Variants in ZPBP observed in about 807,000 individuals in gnomAD.
ZPBP encodes the protein zona pellucida-binding protein 1.
A neutral mutation model predicts 44.8 loss-of-function variants in ZPBP; 26 were observed. That is an observed-to-expected ratio of 0.58 (90% CI 0.43 to 0.81). ZPBP has a LOEUF of 0.81. Among genes scored for constraint, ZPBP ranks in the 30% least tolerant of loss-of-function variants. The probability of loss-of-function intolerance (pLI) is 0.00; values close to 1 mark genes in which losing one functional copy is unlikely to be tolerated. For missense variants in ZPBP, 409 were observed against 434.0 expected (o/e 0.94, Z 0.51); for synonymous variants, 174 against 153.2 (o/e 1.14, Z -1.00).
intron 2 of ZPBP, among the ~76,000 whole-genome samples, chr7:49,871,367 T>G (rs1403147827): frequency 6.6e-6 from 1 of 152,158 alleles, no homozygotes; most frequent in Non-Finnish European, 1.5e-5. Context: ...TTTTCTTTAT[T>G]ATAACATTGC....
At chr7:49,845,855 G>A (rs1014557728), downstream of ZPBP, among the ~76,000 whole-genome samples, 9 of 152,206 alleles carry the variant, frequency 5.9e-5, no homozygotes, top group Admixed American at 2.0e-4. Flanking sequence ...AAGGAAGAGC[G>A]AGTGAGTTAG....
chr7:49,865,052 A>G (rs1583705601), intron 2 of ZPBP, among the ~76,000 whole-genome samples: 1 of 152,164 alleles, frequency 6.6e-6, no homozygotes, highest in East Asian at 1.9e-4. Context: ...TAAAGATCTT[A>G]TTTTTTGTAA....
intron 1 of ZPBP, among the ~76,000 whole-genome samples, chr7:49,926,855 A>G (rs1450258888): frequency 6.6e-6 from 1 of 152,238 alleles, no homozygotes; most frequent in Non-Finnish European, 1.5e-5. Context: ...AGCTTTGAGA[A>G]GCAACTGGCT....
intron 4 of ZPBP, among the ~76,000 whole-genome samples, chr7:50,057,320 A>G (rs1800996303): frequency 6.6e-6 from 1 of 151,952 alleles, no homozygotes; most frequent in South Asian, 2.1e-4. Context: ...CAGACACACA[A>G]CTCTCCCTCC....
At chr7:49,896,996 C>A (rs944380116) in intron 2 of ZPBP, among the ~76,000 whole-genome samples, 2 of 151,482 alleles carry the variant, frequency 1.3e-5, no homozygotes, top group Non-Finnish European at 2.9e-5. Flanking sequence ...CCCGGGTTCA[C>A]GCCATTCTCC....
chr7:50,044,308 A>T (rs1800239330), intron 4 of ZPBP, among the ~76,000 whole-genome samples: 1 of 152,172 alleles, frequency 6.6e-6, no homozygotes, highest in Admixed American at 6.5e-5. Flanking sequence ...AAGAAATAAA[A>T]CTAAGATCAG....
At chr7:50,052,899 G>A (rs1252126933) in intron 4 of ZPBP, among the ~76,000 whole-genome samples, 1 of 152,168 alleles carries the variant, frequency 6.6e-6, no homozygotes, top group African/African-American at 2.4e-5. Context: ...AATACAGAAT[G>A]AGAGAAGATT....
chr7:49,992,308 C>T (rs1433672556), intron 6 of ZPBP, among the ~76,000 whole-genome samples: 1 of 151,954 alleles, frequency 6.6e-6, no homozygotes, highest in African/African-American at 2.4e-5. Context: ...ATATCAGTTA[C>T]ATAACATACA....
At chr7:49,862,469 C>G (rs1272949363) in intron 2 of ZPBP, among the ~76,000 whole-genome samples, 1 of 152,026 alleles carries the variant, frequency 6.6e-6, no homozygotes, top group Non-Finnish European at 1.5e-5. Flanking sequence ...TTTTCTTTGC[C>G]TAGTTGTTCT....
At chr7:49,965,911 T>G (rs1017832392) in intron 7 of ZPBP, among the ~76,000 whole-genome samples, 3 of 151,836 alleles carry the variant, frequency 2.0e-5, no homozygotes, top group African/African-American at 7.3e-5. Flanking sequence ...GTCAGATAAA[T>G]GGAGTCATAA....
intron 3 of ZPBP, among the ~76,000 whole-genome samples, chr7:50,062,455 T>C (rs1414527308): frequency 2.6e-5 from 4 of 152,254 alleles, no homozygotes; most frequent in South Asian, 4.1e-4. Context: ...TAAAAGAGCA[T>C]AGCACTGGTA....
intron 4 of ZPBP, among the ~76,000 whole-genome samples, chr7:50,050,263 T>A (rs1282213377): frequency 6.6e-6 from 1 of 152,092 alleles, no homozygotes; most frequent in South Asian, 2.1e-4. Context: ...CAAAAATTTA[T>A]ATGGAAAGGG....
chr7:49,903,671 G>C (rs978540279), intron 1 of ZPBP, among the ~76,000 whole-genome samples: 10 of 152,178 alleles, frequency 6.6e-5, no homozygotes, highest in South Asian at 6.2e-4. Context: ...AGTTGTATAT[G>C]CAATCAAATA....
At chr7:50,005,680 A>T (rs1798273909) in intron 6 of ZPBP, among the ~76,000 whole-genome samples, 2 of 151,960 alleles carry the variant, frequency 1.3e-5, no homozygotes, top group South Asian at 4.1e-4. Context: ...TGGGAGATCA[A>T]CTACACAAAA....
At chr7:49,967,354 T>C (rs562208287) in intron 7 of ZPBP, among the ~76,000 whole-genome samples, 8 of 152,310 alleles carry the variant, frequency 5.3e-5, no homozygotes, top group African/African-American at 1.9e-4. Flanking sequence ...AGCAGGTACC[T>C]TGTTTTCTAG....
intron 7 of ZPBP, among the ~76,000 whole-genome samples, chr7:49,941,098 G>A (rs1393856311): frequency 6.6e-6 from 1 of 152,104 alleles, no homozygotes; most frequent in Non-Finnish European, 1.5e-5. Context: ...GCTACAATGA[G>A]ATATCAGCTC....
intron 1 of ZPBP, chr7:49,917,222 A>G (rs1793771286): frequency 6.6e-6 from 1 of 152,164 alleles, no homozygotes; most frequent in South Asian, 2.1e-4. Context: ...TAACCATTTA[A>G]AAGTGATGGT....
intron 4 of ZPBP, among the ~76,000 whole-genome samples, chr7:50,051,327 T>A (rs767395743): frequency 1.3e-5 from 2 of 152,168 alleles, no homozygotes; most frequent in Non-Finnish European, 2.9e-5. Flanking sequence ...ACTTTTACAC[T>A]GTTGCTGGGA....
At chr7:49,856,102 G>A (rs1034777231) in intron 2 of ZPBP, among the ~76,000 whole-genome samples, 1 of 152,192 alleles carries the variant, frequency 6.6e-6, no homozygotes, top group Non-Finnish European at 1.5e-5. Context: ...CTACTGGGAG[G>A]CAATGCATAA....
Sources: gnomAD v4.1 joint callset for allele counts (sites outside exome capture counted in the v4.1 genomes callset) on GRCh38, gnomAD v4.1.1 for gene constraint, MANE v1.5 for transcripts, NCBI Gene and HGNC (gene_info 2026-07-23, HGNC 2026-07-21) for gene names.